Variants in MED12L observed in about 807,000 individuals in gnomAD.
The protein encoded by MED12L is mediator complex subunit 12L.
MED12L carries 60 observed loss-of-function variants against 281.3 expected under a neutral mutation model. The ratio of observed to expected loss-of-function variants is 0.21; its 90% CI spans 0.17 to 0.26. The LOEUF (loss-of-function observed/expected upper bound fraction) is 0.26. Ranked by LOEUF, MED12L falls within the 10% of genes least tolerant of loss-of-function variation. MED12L has a pLI of 1.00. For synonymous variants in MED12L, 974 were observed against 987.2 expected (o/e 0.99, Z 0.25); for missense variants, 2,146 against 2,680.9 (o/e 0.80, Z 4.41).
At chr3:151,338,808 T>C (rs374992095) in intron 16 of MED12L, 2 of 1,613,718 alleles carry the variant, frequency 1.2e-6, no homozygotes, top group Non-Finnish European at 1.7e-6. Context: ...CAGACTGGTG[T>C]TACCAGGCGC....
rs536347008 is a variant in MED12L, at chr3:151,334,294, T to C, written c.2251-15765T>C. On this transcript the variant is annotated intron_variant, in intron 16 of 44. Coordinates refer to ENST00000687756, the MANE Select transcript of MED12L (RefSeq NM_001393769.1). ...GCGATTTCTCACTACCTATTGATTA[T>C]GAAGTGCATTTCCACATCTTTAGTT... 2.0e-5 allele frequency among the ~76,000 whole-genome samples: 3 copies of C among 150,658 alleles called. No homozygotes were observed. In the South Asian group the frequency reaches 6.3e-4, roughly 32 times the overall value.
At chr3:151,333,286 G>A (rs984234815) in intron 16 of MED12L, among the ~76,000 whole-genome samples, 4 of 152,178 alleles carry the variant, frequency 2.6e-5, no homozygotes, top group Non-Finnish European at 4.4e-5. Context: ...TGGGTTGAAC[G>A]GTAATTCTGT....
At position 151,265,527 on chromosome 3, in the gene MED12L, C is replaced by T. The variant is rs193019342; in HGVS notation, c.2250+71861C>T. 4.6e-5 allele frequency among the ~76,000 whole-genome samples: 7 copies of T among 152,316 alleles called. No homozygotes were observed. The East Asian group carries it at 7.7e-4, about 17-fold the overall frequency. ...ACTTGCCGGTCACTGCCATCATCCT[C>T]CCTATCTCCTCTCAAATCACTGATG... On this transcript the variant is annotated intron_variant, in intron 16 of 44. Coordinates refer to ENST00000687756, the MANE Select transcript of MED12L (RefSeq NM_001393769.1).
intron 4 of MED12L, among the ~76,000 whole-genome samples, chr3:151,123,765 C>T (rs925126506): frequency 5.3e-5 from 8 of 152,124 alleles, no homozygotes; most frequent in Non-Finnish European, 8.8e-5. Flanking sequence ...TCCTTACCAG[C>T]TTGGTACAGG....
chr3:151,357,559 CTAA>C (rs1466659692), intron 20 of MED12L, among the ~76,000 whole-genome samples, 183 bp downstream of exon 20: 2 of 152,182 alleles, frequency 1.3e-5, no homozygotes, highest in African/African-American at 4.8e-5. Context: ...TATGTTCTTT[CTAA>C]TAATGTGTGA....
intron 4 of MED12L, among the ~76,000 whole-genome samples, chr3:151,125,069 A>G (rs906433850): frequency 1.3e-5 from 2 of 152,222 alleles, no homozygotes; most frequent in African/African-American, 2.4e-5. Flanking sequence ...CTGTAGCTTG[A>G]TTTAGAACCA....
chr3:151,377,271 G>A (rs569925189), intron 30 of MED12L, 93 bp downstream of exon 30: 1 of 967,260 alleles, frequency 1.0e-6, no homozygotes, highest in East Asian at 2.5e-5. Context: ...TTAAGTCATA[G>A]GAATGTGAAG....
chr3:151,158,821 G>A, intron 7 of MED12L, 22 bp downstream of exon 7: 6 of 1,532,008 alleles, frequency 3.9e-6, no homozygotes, highest in Non-Finnish European at 5.4e-6. Flanking sequence ...GTCCCCTTGA[G>A]GCAGTTGGTT....
chr3:151,332,182 A>G (rs1359807775), intron 16 of MED12L, among the ~76,000 whole-genome samples: 1 of 152,184 alleles, frequency 6.6e-6, no homozygotes, highest in Non-Finnish European at 1.5e-5. Flanking sequence ...ATAAACTACT[A>G]TTTCCATTTG....
intron 21 of MED12L, among the ~76,000 whole-genome samples, chr3:151,363,478 T>C (rs1298061095): frequency 6.6e-6 from 1 of 152,200 alleles, no homozygotes; most frequent in East Asian, 1.9e-4. Context: ...CTACCACTGA[T>C]TGAGCTACTG....
chr3:151,355,936 C>T lies in MED12L; in HGVS notation c.2558C>T (p.Ser853Leu), dbSNP rs1304717089. 6 of 1,614,024 alleles carry T rather than the reference C, an allele frequency of 3.7e-6. No homozygotes were observed. Among genetic ancestry groups the T allele is most frequent in the Non-Finnish European group, 5.1e-6 (6 of 1,179,972 alleles). ...CTAGAACAAATCACAAGCTTTGCGT[C>T]AGGAACATCCTATCATCTCCCTTTG... ...NVLEQITSFASGTSYHLPLAH... is the reference protein window; with the variant it reads ...NVLEQITSFALGTSYHLPLAH... The change falls in exon 19 of 45, where the codon TCA (serine) becomes TTA (leucine). Residue 853 changes from serine to leucine, a missense_variant. Transcript: ENST00000687756.
At chr3:151,138,899 G>T (rs1716525344) in intron 5 of MED12L, among the ~76,000 whole-genome samples, 1 of 152,108 alleles carries the variant, frequency 6.6e-6, no homozygotes, top group Non-Finnish European at 1.5e-5. Flanking sequence ...CACTTAAGAA[G>T]TGGGGAGTTA....
chr3:151,367,041 T>C (rs995634852), intron 23 of MED12L, among the ~76,000 whole-genome samples: 1 of 152,226 alleles, frequency 6.6e-6, no homozygotes, highest in African/African-American at 2.4e-5. Flanking sequence ...GTTTTTCTTA[T>C]TATTTTCTGC....
At chr3:151,128,044 C>T (rs1158708537) in intron 5 of MED12L, 60 bp downstream of exon 5, 2 of 1,460,264 alleles carry the variant, frequency 1.4e-6, no homozygotes, top group Non-Finnish European at 1.9e-6. Context: ...GTAATTGTTG[C>T]CTGTACCCTC....
chr3:151,267,587 T>A (rs1006014846), intron 16 of MED12L, among the ~76,000 whole-genome samples: 2 of 152,182 alleles, frequency 1.3e-5, no homozygotes, highest in African/African-American at 4.8e-5. Flanking sequence ...ATTTAAAACA[T>A]TTTTTTAAAG....
chr3:151,261,323 C>A (rs1292348789), intron 16 of MED12L: 1 of 152,028 alleles, frequency 6.6e-6, no homozygotes, highest in African/African-American at 2.4e-5. Context: ...GGTTTCTAAT[C>A]TAATAGGATA....
At chr3:151,182,957 AC>A (rs1176822989) in intron 11 of MED12L, among the ~76,000 whole-genome samples, 1 of 152,144 alleles carries the variant, frequency 6.6e-6, no homozygotes, top group Non-Finnish European at 1.5e-5. Flanking sequence ...ATAGGGCAGA[AC>A]ACAGTGCCTA....
At chr3:151,278,509 C>T (rs915253151) in intron 16 of MED12L, 1 of 152,116 alleles carries the variant, frequency 6.6e-6, no homozygotes, top group Non-Finnish European at 1.5e-5. Flanking sequence ...AAGGAAGAGA[C>T]GTTTTAATCT....
intron 2 of MED12L, among the ~76,000 whole-genome samples, chr3:151,108,142 C>G (rs187853676): frequency 6.6e-6 from 1 of 151,430 alleles, no homozygotes; most frequent in East Asian, 1.9e-4. Context: ...CAGGAAGATT[C>G]ATCCAGGGCC....
Sources: gnomAD v4.1 joint callset for allele counts (sites outside exome capture counted in the v4.1 genomes callset) on GRCh38, gnomAD v4.1.1 for gene constraint, MANE v1.5 for transcripts, NCBI Gene and HGNC (gene_info 2026-07-23, HGNC 2026-07-21) for gene names.